The following ZKSCAN8 variants were observed in gnomAD, a reference collection of about 807,000 sequenced individuals.
The protein encoded by ZKSCAN8 is zinc finger with KRAB and SCAN domains 8.
Under a neutral mutation model 57.2 loss-of-function variants are expected in ZKSCAN8, and 27 were observed. That is an observed-to-expected ratio of 0.47 (90% CI 0.35 to 0.65). The LOEUF (loss-of-function observed/expected upper bound fraction) is 0.65, where lower values mean the gene tolerates loss of function less well. Ranked by LOEUF, ZKSCAN8 falls within the 30% of genes least tolerant of loss-of-function variation. The probability of loss-of-function intolerance (pLI) is 0.01; values close to 1 mark genes in which losing one functional copy is unlikely to be tolerated. For synonymous variants in ZKSCAN8, 214 were observed against 248.7 expected (o/e 0.86, Z 1.31); for missense variants, 597 against 696.3 (o/e 0.86, Z 1.60).
rs1417652542 is a variant in ZKSCAN8 at position 28,144,425 on chromosome 6, G to C, written c.-93+2396G>C. 1 of 152,256 alleles carries C rather than the reference G, an allele frequency of 6.6e-6. No individual in the cohort carries two copies. Among genetic ancestry groups the C allele is most frequent in the Non-Finnish European group, 1.5e-5 (1 of 68,084 alleles). The allele number at this position is 152,256 out of a possible 1,614,324, so 9.4% of individuals were successfully genotyped here. A position where few individuals can be genotyped will look rare whatever the true frequency, so the allele number is the denominator to read the frequency against. The stretch of plus-strand genomic sequence containing the variant: ...GCCTTGATGATCCGTATGGGGAACT[G>C]TATGTACAGTAATCTGATTTTTTTC... On this transcript the variant is annotated intron_variant, in intron 1 of 5. Coordinates refer to ENST00000330236, the MANE Select transcript of ZKSCAN8 (RefSeq NM_006298.4). The surrounding 1 kb of genome is among the most constrained non-coding windows in gnomAD (Gnocchi z 4.5).
At position 28,155,675 on chromosome 6, in the gene ZKSCAN8, G is replaced by GT. The variant is rs1380362046; in HGVS notation, c.*1658_*1659insT. The GT allele has an allele frequency of 1.3e-5, 2 of 152,672 alleles. No individual in the cohort carries two copies. 9.5% of individuals were successfully genotyped at this position (152,672 alleles called of 1,614,324 possible). On this transcript the variant is annotated 3_prime_UTR_variant, in exon 6 of 6. Coordinates refer to ENST00000330236, the MANE Select transcript of ZKSCAN8 (RefSeq NM_006298.4). The stretch of plus-strand genomic sequence containing the variant: ...CATAATTTCACCCTGTGACTATCCT[G>GT]AAAAGAAATAATAATCATTTTATGA...
At position 28,153,456 on chromosome 6, in the gene ZKSCAN8, C is replaced by A. The variant is rs141370333; in HGVS notation, c.1176C>A (p.Gly392=). Residue 392 remains glycine (G), a synonymous_variant, in exon 6 of 6, where the codon GGC becomes GGA. Transcript: ENST00000330236. ...ECGKAFSQNT[G]LILHQRIHTG... ...GCAAAGCCTTCAGTCAGAACACAGG[C>A]CTGATTCTGCACCAGAGAATCCACA... 2.4e-5 allele frequency: 39 copies of A among 1,614,158 alleles called. No individual in the cohort carries two copies. In the African/African-American group the frequency reaches 4.4e-4, roughly 18 times the overall value.
chr6:28,152,461 C>G, intron 5 of ZKSCAN8, 77 bp downstream of exon 5: 1 of 1,487,116 alleles, frequency 6.7e-7, no homozygotes, highest in East Asian at 2.4e-5. Flanking sequence ...TAGCTACAGC[C>G]TTTCTGAAAG....
chr6:28,148,646 T>C lies in ZKSCAN8; in HGVS notation c.239T>C (p.Leu80Pro). The change falls in exon 2 of 6, where the codon CTG becomes CCG. Residue 80 changes from leucine to proline, a missense_variant. Transcript: ENST00000330236. ...IQLRALCHQW[L>P]RPDLNTKEQI... ...CTACGGGCCCTTTGCCATCAGTGGC[T>C]GAGGCCAGATTTGAACACCAAGGAA... 6.2e-7 allele frequency: 1 copy of C among 1,613,992 alleles called. No homozygotes were observed. Among genetic ancestry groups the C allele is most frequent in the Non-Finnish European group, 8.5e-7 (1 of 1,179,984 alleles).
rs1210126195 is a variant in ZKSCAN8 at position 28,153,900 on chromosome 6, C to T, written c.1620C>T (p.His540=). ...NTGLIQHLRI[H]TGEKPYQCNE... ...GTCTCATTCAACACCTGAGAATTCACACAGGGGAGAAGCCCTACCAATGTA... is the reference window on the plus strand; with the variant it reads ...GTCTCATTCAACACCTGAGAATTCATACAGGGGAGAAGCCCTACCAATGTA... The change falls in exon 6 of 6, where the codon CAC becomes CAT. Residue 540 remains histidine, a synonymous_variant. Transcript: ENST00000330236. 6 of 1,614,080 alleles carry T rather than the reference C, an allele frequency of 3.7e-6. No homozygotes were observed. Among genetic ancestry groups the T allele is most frequent in the Admixed American group, 1.7e-5 (1 of 60,006 alleles).
chr6:28,152,547 T>G (rs1388869787), intron 5 of ZKSCAN8, among the ~76,000 whole-genome samples, 163 bp downstream of exon 5: 1 of 150,588 alleles, frequency 6.6e-6, no homozygotes, highest in Non-Finnish European at 1.5e-5. Context: ...GTGAAACTTT[T>G]GTTCTCCTGT....
At position 28,157,942 on chromosome 6, in the gene ZKSCAN8, C is replaced by T. The variant is rs1216858349; in HGVS notation, c.*3925C>T. 4 of 152,142 alleles carry T rather than the reference C, an allele frequency of 2.6e-5. No individual in the cohort carries two copies. The highest frequency in any genetic ancestry group is 2.6e-4 in the Admixed American group (4 of 15,276). 9.4% of individuals were successfully genotyped at this position (152,142 alleles called of 1,614,324 possible). A position where few individuals can be genotyped will look rare whatever the true frequency, so the allele number is the denominator to read the frequency against. ...ATGCTTTCATCCTCATTGCCCATTT[C>T]CAACTACCATTCTGTTTCTCCTCTA... On this transcript the variant is annotated 3_prime_UTR_variant, in exon 6 of 6. Coordinates refer to ENST00000330236, the MANE Select transcript of ZKSCAN8 (RefSeq NM_006298.4).
intron 3 of ZKSCAN8, among the ~76,000 whole-genome samples, chr6:28,151,386 A>C (rs1765584520): frequency 6.6e-6 from 1 of 152,180 alleles, no homozygotes; most frequent in Admixed American, 6.5e-5. Context: ...GAGATACAGT[A>C]ATCTATATTT....
chr6:28,151,101 C>T (rs954747725), intron 3 of ZKSCAN8, among the ~76,000 whole-genome samples: 1 of 152,288 alleles, frequency 6.6e-6, no homozygotes, highest in Non-Finnish European at 1.5e-5. Context: ...CCACTGTGCT[C>T]GGCCACTGTC....
chr6:28,154,241 G>A lies in ZKSCAN8; in HGVS notation c.*224G>A, dbSNP rs540504639. On this transcript the variant is annotated 3_prime_UTR_variant, in exon 6 of 6. Coordinates refer to ENST00000330236, the MANE Select transcript of ZKSCAN8 (RefSeq NM_006298.4). ...GAAAGTATCTGATGGAGCTCCTGATGACCTAATGTATCCTTTAGAAATTTA... is the reference window on the plus strand; with the variant it reads ...GAAAGTATCTGATGGAGCTCCTGATAACCTAATGTATCCTTTAGAAATTTA... 7.8e-5 allele frequency: 42 copies of A among 536,752 alleles called. No individual in the cohort carries two copies. The highest frequency in any genetic ancestry group is 1.1e-4 in the Admixed American group (3 of 27,286). The allele number at this position is 536,752 out of a possible 1,614,324, so 33.2% of individuals were successfully genotyped here. A position where few individuals can be genotyped will look rare whatever the true frequency, so the allele number is the denominator to read the frequency against.
chr6:28,148,733 C>T lies in ZKSCAN8; in HGVS notation c.326C>T (p.Thr109Ile), dbSNP rs1765489779. 1 of 1,614,038 alleles carries T rather than the reference C, an allele frequency of 6.2e-7. No homozygotes were observed. Residue 109 changes from threonine (T) to isoleucine (I), a missense_variant, in exon 2 of 6, where the codon ACA becomes ATA. Physicochemically the swap from Thr to Ile is moderately conservative, Grantham distance 89. Coordinates refer to ENST00000330236, the MANE Select transcript of ZKSCAN8 (RefSeq NM_006298.4). ...ACCATCCTACCTGAGGAGCTCCAGA[C>T]ACTGGTTAAGGAACATCAGCTAGAG... The part of the protein sequence containing the change: ...FLTILPEELQ[T>I]LVKEHQLENG...
rs1243479358 is a variant in ZKSCAN8 at position 28,154,278 on chromosome 6, G to C, written c.*261G>C. The C allele has an allele frequency of 3.7e-5, 14 of 377,564 alleles. No individual in the cohort carries two copies. Among genetic ancestry groups the C allele is most frequent in the Non-Finnish European group, 1.9e-5 (4 of 215,090 alleles). The allele number at this position is 377,564 out of a possible 1,614,324, so 23.4% of individuals were successfully genotyped here. On this transcript the variant is annotated 3_prime_UTR_variant, in exon 6 of 6. Transcript: ENST00000330236. ...CCTTTAGAAATTTAAAATAGCATTA[G>C]AGCAAGTTGCTTGTCATGGCTTGAA...
Position 28,148,458 on chromosome 6 carries a change from T to C in ZKSCAN8, c.51T>C (p.Thr17=). The part of the protein sequence containing the change: ...KPSAPSPPDQ[T]PEEDLVIVKV... The stretch of plus-strand genomic sequence containing the variant: ...CAGCCCCATCCCCACCAGACCAGAC[T>C]CCTGAAGAGGATCTTGTAATCGTCA... The change falls in exon 2 of 6, where the codon ACT becomes ACC. Residue 17 remains threonine, a synonymous_variant. Transcript: ENST00000330236. 1.2e-6 allele frequency: 2 copies of C among 1,614,064 alleles called. No individual in the cohort carries two copies. Among genetic ancestry groups the C allele is most frequent in the East Asian group, 2.2e-5 (1 of 44,886 alleles).
Position 28,158,790 on chromosome 6 carries a change from T to G in ZKSCAN8, c.*4773T>G, listed in dbSNP as rs1219230716. 1 of 152,186 alleles carries G rather than the reference T, an allele frequency of 6.6e-6. No homozygotes were observed. The highest frequency in any genetic ancestry group is 2.4e-5 in the African/African-American group (1 of 41,432). The allele number at this position is 152,186 out of a possible 1,614,324, so 9.4% of individuals were successfully genotyped here. ...CTCCTCAAACTCCATTTTTACAATA[T>G]CCGTATTGTAAAATTTTCATTTTCA... On this transcript the variant is annotated 3_prime_UTR_variant, in exon 6 of 6. Transcript: ENST00000330236.
At chr6:28,145,149 G>C (rs1014347171) in intron 1 of ZKSCAN8, among the ~76,000 whole-genome samples, 1 of 152,172 alleles carries the variant, frequency 6.6e-6, no homozygotes, top group African/African-American at 2.4e-5. Context: ...CTTTGTGGTG[G>C]GGGCTGTGTT....
chr6:28,154,630 C>T lies in ZKSCAN8; in HGVS notation c.*613C>T, dbSNP rs1248477680. The T allele has an allele frequency of 6.6e-6, 1 of 152,508 alleles. No individual in the cohort carries two copies. The highest frequency in any genetic ancestry group is 1.5e-5 in the Non-Finnish European group (1 of 68,144). The allele number at this position is 152,508 out of a possible 1,614,324, so 9.4% of individuals were successfully genotyped here. A position where few individuals can be genotyped will look rare whatever the true frequency, so the allele number is the denominator to read the frequency against. On this transcript the variant is annotated 3_prime_UTR_variant, in exon 6 of 6. Coordinates refer to ENST00000330236, the MANE Select transcript of ZKSCAN8 (RefSeq NM_006298.4). ...CAAACTCAGAATGCTATATTTTTAA[C>T]AGCACTCCAGCATTTTTCTTCATGT...
intron 5 of ZKSCAN8, 98 bp from the exon 6 acceptor site, chr6:28,152,958 T>C: frequency 6.6e-7 from 1 of 1,513,166 alleles, no homozygotes; most frequent in Non-Finnish European, 8.9e-7. Context: ...GCTGTTCATG[T>C]GTACTTTCCT....
intron 3 of ZKSCAN8, among the ~76,000 whole-genome samples, chr6:28,151,462 G>A (rs528563455): frequency 1.3e-5 from 2 of 152,238 alleles, no homozygotes; most frequent in East Asian, 3.9e-4. Context: ...ATTTCAGAAA[G>A]GTAATTAATT....
At position 28,149,529 on chromosome 6, in the gene ZKSCAN8, T is replaced by C; in HGVS notation, c.464T>C (p.Val155Ala). 6.2e-7 allele frequency: 1 copy of C among 1,614,118 alleles called. No homozygotes were observed. The highest frequency in any genetic ancestry group is 8.5e-7 in the Non-Finnish European group (1 of 1,180,020). The stretch of plus-strand genomic sequence containing the variant: ...CATAGGGTACTCTGGGAGGAGGTAG[T>C]ACATTCAGCATCTGCACCAGAGCCT... ...HGHRVLWEEV[V>A]HSASAPEPPN... Residue 155 changes from valine to alanine, a missense_variant, in exon 3 of 6, where the codon GTA (valine) becomes GCA (alanine). Physicochemically the swap from Val to Ala is moderately conservative, Grantham distance 64 (BLOSUM62 0). Transcript: ENST00000330236.
Sources: allele counts gnomAD v4.1 joint callset (sites outside exome capture counted in the v4.1 genomes callset), GRCh38; gene constraint gnomAD v4.1.1; non-coding constraint Gnocchi (gnomAD v3.1); transcripts MANE v1.5; gene names NCBI Gene and HGNC (gene_info 2026-07-23, HGNC 2026-07-21).